Variants in TCF12 observed in about 807,000 individuals in gnomAD.
The protein encoded by TCF12 is transcription factor 12, also known as DNA-binding protein HTF4.
TCF12 carries 45 observed loss-of-function variants against 86.0 expected under a neutral mutation model. That is an observed-to-expected ratio of 0.52 (90% CI 0.41 to 0.67). The LOEUF (loss-of-function observed/expected upper bound fraction) is 0.67. Ranked by LOEUF, TCF12 falls within the 30% of genes least tolerant of loss-of-function variation. TCF12 has a pLI of 0.00. For synonymous variants in TCF12, 330 were observed against 299.6 expected, an observed-to-expected ratio of 1.10 and a Z score of -1.05; for missense variants, 881 against 859.9, an observed-to-expected ratio of 1.02 and a Z score of -0.31.
intron 3 of TCF12, among the ~76,000 whole-genome samples, chr15:56,952,457 A>G (rs2061324368): frequency 6.6e-6 from 1 of 151,862 alleles, no homozygotes; most frequent in African/African-American, 2.4e-5. Flanking sequence ...GTAATTCCAT[A>G]AAATTTATAG....
At chr15:57,043,302 A>G (rs2067015162) in intron 3 of TCF12, among the ~76,000 whole-genome samples, 2 of 152,210 alleles carry the variant, frequency 1.3e-5, no homozygotes, top group African/African-American at 4.8e-5. Flanking sequence ...ATAAGTATCC[A>G]GAAGTGGGAT....
chr15:57,045,471 G>A (rs1304545511), intron 3 of TCF12, among the ~76,000 whole-genome samples: 2 of 152,024 alleles, frequency 1.3e-5, no homozygotes, highest in African/African-American at 2.4e-5. Flanking sequence ...TACACTCTGT[G>A]GTAATATCTT....
At position 57,253,308 on chromosome 15, in the gene TCF12, A is replaced by T. The variant is rs1432798156; in HGVS notation, c.1307A>T (p.His436Leu). 7 of 1,613,836 alleles carry T rather than the reference A, an allele frequency of 4.3e-6. No individual in the cohort carries two copies. The highest frequency in any genetic ancestry group is 5.9e-6 in the Non-Finnish European group (7 of 1,179,950). The change falls in exon 16 of 21, where the codon CAT (histidine) becomes CTT (leucine). Residue 436 changes from histidine (H) to leucine (L), a missense_variant. His to Leu is a moderately conservative substitution (Grantham distance 99). Transcript: ENST00000333725. Reference sequence around the variant, plus strand: ...TTAGACAGACTGGATGATGCAATCCATGTGCTGCGGAACCATGCTGTGGGA... The same window carrying T: ...TTAGACAGACTGGATGATGCAATCCTTGTGCTGCGGAACCATGCTGTGGGA... ...DRLDRLDDAIHVLRNHAVGPS... is the reference protein window; with the variant it reads ...DRLDRLDDAILVLRNHAVGPS...
intron 4 of TCF12, among the ~76,000 whole-genome samples, chr15:57,074,132 C>T (rs1480072787): frequency 6.6e-6 from 1 of 151,880 alleles, no homozygotes; most frequent in Non-Finnish European, 1.5e-5. Flanking sequence ...AATAAATGAG[C>T]CATAGGATGA....
chr15:56,947,044 T>G (rs1445701476), intron 3 of TCF12, among the ~76,000 whole-genome samples: 1 of 152,154 alleles, frequency 6.6e-6, no homozygotes, highest in African/African-American at 2.4e-5. Flanking sequence ...GTGATCTGCC[T>G]TCCTCGGCTT....
At chr15:56,968,887 G>A (rs1451914111) in intron 3 of TCF12, among the ~76,000 whole-genome samples, 1 of 152,116 alleles carries the variant, frequency 6.6e-6, no homozygotes, top group African/African-American at 2.4e-5. Context: ...TGGTAAGGCG[G>A]GACAACTTGA....
chr15:57,095,588 G>A (rs1312260242), intron 5 of TCF12, among the ~76,000 whole-genome samples: 10 of 152,002 alleles, frequency 6.6e-5, no homozygotes, highest in Admixed American at 1.3e-4. Flanking sequence ...AATTATCTTC[G>A]GTTTTGCTTG....
chr15:56,937,393 G>T (rs1037797800), intron 3 of TCF12, among the ~76,000 whole-genome samples: 29 of 150,624 alleles, frequency 1.9e-4, no homozygotes, highest in African/African-American at 7.1e-4. Context: ...GAGTCATTCT[G>T]TCTCCTCGGT....
intron 3 of TCF12, among the ~76,000 whole-genome samples, chr15:56,929,419 C>T (rs1253096142): frequency 1.3e-5 from 2 of 152,046 alleles, no homozygotes; most frequent in Admixed American, 1.3e-4. Flanking sequence ...CCAGCCAGAT[C>T]ATTCTGTAAT....
intron 3 of TCF12, among the ~76,000 whole-genome samples, chr15:56,973,383 A>G (rs1302620431): frequency 6.6e-6 from 1 of 152,154 alleles, no homozygotes; most frequent in Non-Finnish European, 1.5e-5. Context: ...AAAAGGGCAC[A>G]GGATATTTGT....
chr15:57,219,161 T>TTG (rs1199747835), intron 8 of TCF12: 4 of 1,069,788 alleles, frequency 3.7e-6, no homozygotes, highest in East Asian at 5.0e-5. Flanking sequence ...TGCCTTCCTT[T>TTG]TGTGTGTGTA....
At chr15:57,244,616 C>A (rs1322479405) in intron 13 of TCF12, among the ~76,000 whole-genome samples, 1 of 152,204 alleles carries the variant, frequency 6.6e-6, no homozygotes, top group East Asian at 1.9e-4. Flanking sequence ...TCTGCCACCA[C>A]ACCCGGCTAA....
intron 3 of TCF12, among the ~76,000 whole-genome samples, chr15:56,990,674 TG>T (rs1256414332): frequency 6.6e-6 from 1 of 152,176 alleles, no homozygotes; most frequent in Non-Finnish European, 1.5e-5. Flanking sequence ...ACTTGTAGCT[TG>T]ATAGCCCAAT....
intron 5 of TCF12, among the ~76,000 whole-genome samples, chr15:57,144,582 A>G (rs2053224478): frequency 6.6e-6 from 1 of 152,156 alleles, no homozygotes; most frequent in Non-Finnish European, 1.5e-5. Context: ...AAATCATCAA[A>G]TGACGTAACT....
intron 4 of TCF12, among the ~76,000 whole-genome samples, chr15:57,082,774 C>T (rs1261079863): frequency 6.6e-6 from 1 of 152,158 alleles, no homozygotes. Context: ...AATTTGAACA[C>T]AAGCATACCT....
intron 5 of TCF12, 26 bp from the exon 6 acceptor site, chr15:57,166,376 A>T: frequency 6.3e-7 from 1 of 1,598,310 alleles, no homozygotes; most frequent in Non-Finnish European, 8.6e-7. Flanking sequence ...AGGGTTTTAT[A>T]TAAAGTTAAT....
At chr15:57,119,827 C>T (rs541069493) in intron 5 of TCF12, among the ~76,000 whole-genome samples, 54 of 152,176 alleles carry the variant, frequency 3.5e-4, no homozygotes, top group African/African-American at 1.2e-3. Flanking sequence ...TACTTTATAT[C>T]TCTTTAAAAA....
intron 12 of TCF12, 140 bp downstream of exon 12, chr15:57,234,247 TTG>T (rs759925051): frequency 7.1e-6 from 5 of 706,426 alleles, no homozygotes; most frequent in Non-Finnish European, 1.2e-5. Context: ...TATTCTCGGT[TTG>T]TATTGATATA....
intron 5 of TCF12, among the ~76,000 whole-genome samples, chr15:57,149,018 C>T (rs1241275919): frequency 2.0e-5 from 3 of 152,120 alleles, no homozygotes; most frequent in Admixed American, 2.0e-4. Flanking sequence ...GGAGAAAGAA[C>T]AGGAGTGCTT....
Sources: allele counts gnomAD v4.1 joint callset (sites outside exome capture counted in the v4.1 genomes callset), GRCh38; gene constraint gnomAD v4.1.1; transcripts MANE v1.5; gene names NCBI Gene and HGNC (gene_info 2026-07-23, HGNC 2026-07-21).